Variants in ZNF697 observed in about 807,000 individuals in gnomAD.
ZNF697 encodes zinc finger protein 697.
A neutral mutation model predicts 32.4 loss-of-function variants in ZNF697; 23 were observed. The ratio of observed to expected loss-of-function variants is 0.71; its 90% CI spans 0.51 to 1.01. The LOEUF (loss-of-function observed/expected upper bound fraction) is 1.01. Ranked by LOEUF, ZNF697 falls within the 50% of genes least tolerant of loss-of-function variation. ZNF697 has a pLI of 0.00. For missense variants in ZNF697, 930 were observed against 794.0 expected, an observed-to-expected ratio of 1.17 and a Z score of -2.06; for synonymous variants, 418 against 337.2, an observed-to-expected ratio of 1.24 and a Z score of -2.62.
chr1:119,623,280 A>T lies in ZNF697; in HGVS notation c.1063T>A (p.Cys355Ser), dbSNP rs747591196. The T allele has an allele frequency of 5.4e-6, 8 of 1,485,930 alleles. No individual in the cohort carries two copies. The South Asian group carries it at 1.0e-4, about 19-fold the overall frequency. The allele number at this position is 1,485,930 out of a possible 1,614,324, so 92.0% of individuals were successfully genotyped here. ...AGAAALRPFA[C>S]GECGKGFVRR... The stretch of plus-strand genomic sequence containing the variant: ...ACGAAGCCCTTGCCGCACTCCCCGC[A>T]GGCGAAGGGCCGCAGCGCCGCCGCC... Residue 355 changes from cysteine (C) to serine (S), a missense_variant, in exon 3 of 3, where the codon TGC becomes AGC. Transcript: ENST00000421812.
At chr1:119,636,786 TCCAACATAA>T (rs1648934750) in intron 1 of ZNF697, among the ~76,000 whole-genome samples, 1 of 152,226 alleles carries the variant, frequency 6.6e-6, no homozygotes, top group South Asian at 2.1e-4. Flanking sequence ...TGCTACTCAA[TCCAACATAA>T]CCTTTGGTGC....
chr1:119,626,045 C>T lies in ZNF697; in HGVS notation c.56G>A (p.Gly19Glu). The change falls in exon 2 of 3, where the codon GGG (glycine) becomes GAG (glutamate). Residue 19 changes from glycine to glutamate, a missense_variant. Gly to Glu is a moderately conservative substitution (Grantham distance 98). Transcript: ENST00000421812. Reference protein sequence around the residue: ...VCAHQDSEDKGMGSDFEDSED... With the variant: ...VCAHQDSEDKEMGSDFEDSED... The stretch of plus-strand genomic sequence containing the variant: ...AGAGTCCTCAAAATCAGAACCCATC[C>T]CTTTGTCTTCTGAGTCCTGGTGTGC... 2 of 1,613,704 alleles carry T rather than the reference C, an allele frequency of 1.2e-6. No individual in the cohort carries two copies. The highest frequency in any genetic ancestry group is 1.7e-6 in the Non-Finnish European group (2 of 1,179,652).
intron 2 of ZNF697, 55 bp downstream of exon 2, chr1:119,625,820 C>A: frequency 6.3e-7 from 1 of 1,592,692 alleles, no homozygotes; most frequent in South Asian, 1.1e-5. Flanking sequence ...TCTAGAGGAG[C>A]TAGAAGTAAG....
At chr1:119,636,708 A>AAC (rs1335115651) in intron 1 of ZNF697, among the ~76,000 whole-genome samples, 1 of 152,186 alleles carries the variant, frequency 6.6e-6, no homozygotes, top group Non-Finnish European at 1.5e-5. Flanking sequence ...ATTGCCCATG[A>AAC]ACACACCAGT....
Position 119,620,088 on chromosome 1 carries a change from G to T in ZNF697, c.*2617C>A, listed in dbSNP as rs1369464247. On this transcript the variant is annotated 3_prime_UTR_variant, in exon 3 of 3. Transcript: ENST00000421812. ...TCCCTGAAGAATTGTAAGAAAAAAT[G>T]GAATCACATTTTAAATGCACCAATA... is the stretch of plus-strand genomic sequence containing the variant. The T allele has an allele frequency of 1.3e-5, 2 of 152,598 alleles. No individual in the cohort carries two copies. The highest frequency in any genetic ancestry group is 2.4e-5 in the African/African-American group (1 of 41,444). The allele number at this position is 152,598 out of a possible 1,614,324, so 9.5% of individuals were successfully genotyped here.
intron 2 of ZNF697, among the ~76,000 whole-genome samples, chr1:119,625,571 C>G (rs114695081): frequency 0.018 from 2,762 of 152,316 alleles, 89 homozygotes; most frequent in African/African-American, 0.062. Context: ...GAGGTAGATT[C>G]TATTACTAGC....
chr1:119,627,144 G>A (rs1016325507), intron 1 of ZNF697, among the ~76,000 whole-genome samples: 4 of 152,196 alleles, frequency 2.6e-5, no homozygotes, highest in Admixed American at 1.3e-4. Context: ...ACAGTTTCTA[G>A]GTCGAGGATC....
chr1:119,637,030 A>G (rs1557940270), intron 1 of ZNF697, among the ~76,000 whole-genome samples: 1 of 152,230 alleles, frequency 6.6e-6, no homozygotes, highest in Non-Finnish European at 1.5e-5. Flanking sequence ...AATCACATTA[A>G]TCAAACCATA....
In ZNF697 at chr1:119,643,356, A is replaced by AGAACTCTC. The variant is rs1649126480; in HGVS notation, c.-38+4334_-38+4335insGAGAGTTC. Reference sequence around the variant, plus strand: ...AACTCTCCTATTCTCCTTTAACATGACTAATGTGCTTCTAACAACCCATAG... The same window carrying AGAACTCTC: ...AACTCTCCTATTCTCCTTTAACATGAGAACTCTCCTAATGTGCTTCTAACAACCCATAG... On this transcript the variant is annotated intron_variant, in intron 1 of 2. Transcript: ENST00000421812. Among the ~76,000 whole-genome samples the AGAACTCTC allele has an allele frequency of 2.0e-5, 3 of 152,254 alleles. No homozygotes were observed. The South Asian group carries it at 6.2e-4, about 32-fold the overall frequency.
In ZNF697 at chr1:119,623,902, G is replaced by C. The variant is rs764621371; in HGVS notation, c.441C>G (p.Leu147=). The part of the protein sequence containing the change: ...APPVLPWRRH[L]SLGSRHRGDK... Reference sequence around the variant, plus strand: ...CACCTCGGTGCCGACTCCCCAGGGAGAGATGTCGCCTCCAGGGAAGTACGG... The same window carrying C: ...CACCTCGGTGCCGACTCCCCAGGGACAGATGTCGCCTCCAGGGAAGTACGG... Residue 147 remains leucine (L), a synonymous_variant, in exon 3 of 3, where the codon CTC becomes CTG. Coordinates refer to ENST00000421812, the MANE Select transcript of ZNF697 (RefSeq NM_001080470.2). 13 of 1,555,974 alleles carry C rather than the reference G, an allele frequency of 8.4e-6. No individual in the cohort carries two copies. In the African/African-American group the frequency reaches 1.5e-4, roughly 18 times the overall value.
chr1:119,622,663 C>G lies in ZNF697; in HGVS notation c.*42G>C, dbSNP rs771131832. 1.5e-5 allele frequency: 22 copies of G among 1,472,422 alleles called. No homozygotes were observed. Among genetic ancestry groups the G allele is most frequent in the Admixed American group, 2.3e-5 (1 of 43,018 alleles). The allele number at this position is 1,472,422 out of a possible 1,614,324, so 91.2% of individuals were successfully genotyped here. A position where few individuals can be genotyped will look rare whatever the true frequency, so the allele number is the denominator to read the frequency against. On this transcript the variant is annotated 3_prime_UTR_variant, in exon 3 of 3. Coordinates refer to ENST00000421812, the MANE Select transcript of ZNF697 (RefSeq NM_001080470.2). ...TGGGTCAGTCCCAGGATATCTACCC[C>G]CCACAGGCTCCCCAGACGGCAGCCT...
chr1:119,637,942 TGAGAGA>T (rs1196511530), intron 1 of ZNF697, among the ~76,000 whole-genome samples: 2 of 149,842 alleles, frequency 1.3e-5, no homozygotes, highest in Non-Finnish European at 3.0e-5. Context: ...TGTGTATGTG[TGAGAGA>T]GAGAGAGAGA....
At position 119,619,665 on chromosome 1, in the gene ZNF697, A is replaced by AT. The variant is rs1447570734; in HGVS notation, c.*3039dup. The AT allele has an allele frequency of 6.5e-6, 1 of 152,672 alleles. No individual in the cohort carries two copies. The highest frequency in any genetic ancestry group is 1.5e-5 in the Non-Finnish European group (1 of 68,048). 9.5% of individuals were successfully genotyped at this position (152,672 alleles called of 1,614,324 possible). A position where few individuals can be genotyped will look rare whatever the true frequency, so the allele number is the denominator to read the frequency against. On this transcript the variant is annotated 3_prime_UTR_variant, in exon 3 of 3. Coordinates refer to ENST00000421812, the MANE Select transcript of ZNF697 (RefSeq NM_001080470.2). The stretch of plus-strand genomic sequence containing the variant: ...CACAAACTTCAGAAACACAGTTTAG[A>AT]TTGTCTATGAACACAGGTCCTTAAT...
chr1:119,623,309 G>C lies in ZNF697; in HGVS notation c.1034C>G (p.Ala345Gly). The C allele has an allele frequency of 3.0e-6, 4 of 1,322,672 alleles. No homozygotes were observed. The highest frequency in any genetic ancestry group is 3.8e-6 in the Non-Finnish European group (4 of 1,039,104). 81.9% of individuals were successfully genotyped at this position (1,322,672 alleles called of 1,614,324 possible). A position where few individuals can be genotyped will look rare whatever the true frequency, so the allele number is the denominator to read the frequency against. ...GAAGGGCCGCAGCGCCGCCGCCCCC[G>C]CGCCGCTGGCCGCCGCGTGCGCGCG... The part of the protein sequence containing the change: ...HRRAHAAASG[A>G]GAAALRPFAC... The change falls in exon 3 of 3, where the codon GCG becomes GGG. Residue 345 changes from alanine (A) to glycine (G), a missense_variant. Physicochemically the swap from Ala to Gly is moderately conservative, Grantham distance 60. Coordinates refer to ENST00000421812, the MANE Select transcript of ZNF697 (RefSeq NM_001080470.2).
At chr1:119,626,269 C>T (rs1324050304) in intron 1 of ZNF697, 132 bp from the exon 2 acceptor site, 1 of 1,235,384 alleles carries the variant, frequency 8.1e-7, no homozygotes, top group African/African-American at 1.5e-5. Flanking sequence ...CACTTCACTC[C>T]ACATTTTAAA....
At chr1:119,645,865 CTG>C (rs1182447915) in intron 1 of ZNF697, among the ~76,000 whole-genome samples, 3 of 152,136 alleles carry the variant, frequency 2.0e-5, no homozygotes, top group Admixed American at 6.5e-5. Context: ...CTTACTGACA[CTG>C]TAGCTATTTT....
rs1180124500 is a variant in ZNF697 at position 119,641,743 on chromosome 1, T to C, written c.-38+5948A>G. ...TAGTGAGAGTTCTCAGAAGATCTGA[T>C]GGTTTTATAAGGAGCTTTTCCCCCT... On this transcript the variant is annotated intron_variant, in intron 1 of 2. Coordinates refer to ENST00000421812, the MANE Select transcript of ZNF697 (RefSeq NM_001080470.2). 5.9e-5 allele frequency among the ~76,000 whole-genome samples: 9 copies of C among 152,216 alleles called. No individual in the cohort carries two copies. The East Asian group carries it at 1.5e-3, about 26-fold the overall frequency.
rs780249615 is a variant in ZNF697, at chr1:119,622,886, G to C, written c.1457C>G (p.Thr486Arg). 1.5e-5 allele frequency: 24 copies of C among 1,595,944 alleles called. No homozygotes were observed. The highest frequency in any genetic ancestry group is 2.0e-5 in the Non-Finnish European group (23 of 1,173,250). Reference sequence around the variant, plus strand: ...CGTGTAGGGCTTCTCGCCCGTGTGCGTGCGCTGGTGCTGCGTGAGCGTGGA... The same window carrying C: ...CGTGTAGGGCTTCTCGCCCGTGTGCCTGCGCTGGTGCTGCGTGAGCGTGGA... ...DFSTLTQHQR[T>R]HTGEKPYTCI... is the part of the protein sequence containing the mutation. Residue 486 changes from threonine (T) to arginine (R), a missense_variant, in exon 3 of 3, where the codon ACG becomes AGG. By Grantham distance (71) the Thr-to-Arg change is moderately conservative. Transcript: ENST00000421812.
chr1:119,629,203 G>C (rs1156385426), intron 1 of ZNF697, among the ~76,000 whole-genome samples: 2 of 152,114 alleles, frequency 1.3e-5, no homozygotes, highest in Non-Finnish European at 2.9e-5. Flanking sequence ...TTTTTAATCA[G>C]AAAAATAACT....
Sources: gnomAD v4.1 joint callset for allele counts (sites outside exome capture counted in the v4.1 genomes callset) on GRCh38, gnomAD v4.1.1 for gene constraint, MANE v1.5 for transcripts, NCBI Gene and HGNC (gene_info 2026-07-23, HGNC 2026-07-21) for gene names.